Variants in PREX1 observed in about 807,000 individuals in gnomAD.
PREX1 encodes phosphatidylinositol-3,4,5-trisphosphate dependent Rac exchange factor 1, also known as phosphatidylinositol 3,4,5-trisphosphate-dependent Rac exchanger 1 protein.
PREX1 carries 41 observed loss-of-function variants against 198.3 expected under a neutral mutation model. The observed-to-expected ratio is 0.21, with a 90% CI of 0.16 to 0.27. The LOEUF (loss-of-function observed/expected upper bound fraction) is 0.27, where lower values mean the gene tolerates loss of function less well. Ranked by LOEUF, PREX1 falls within the 10% of genes least tolerant of loss-of-function variation. The probability of loss-of-function intolerance (pLI) is 1.00; values close to 1 mark genes in which losing one functional copy is unlikely to be tolerated. For missense variants in PREX1, 1,620 were observed against 2,200.7 expected (o/e 0.74, Z 5.28); for synonymous variants, 843 against 887.2 (o/e 0.95, Z 0.89).
rs547366384 is a variant in PREX1 at position 48,630,823 on chromosome 20, G to A, written c.4527-29C>T. The A allele has an allele frequency of 3.4e-5, 51 of 1,510,658 alleles. 1 individual carries two copies. The South Asian group carries it at 5.3e-4, about 16-fold the overall frequency. 93.6% of individuals were successfully genotyped at this position (1,510,658 alleles called of 1,614,324 possible). ...CGAGAGAAAGATGGGAATGAGGCGG[G>A]GGCCACCACACCCACCATCCTCCTG... On this transcript the variant is annotated intron_variant, in intron 35 of 39. Transcript: ENST00000371941.
intron 5 of PREX1, among the ~76,000 whole-genome samples, chr20:48,713,270 G>A (rs2089943471): frequency 6.6e-6 from 1 of 152,018 alleles, no homozygotes; most frequent in Non-Finnish European, 1.5e-5. Context: ...TAGCCAACAT[G>A]GCAAAACCCC....
intron 5 of PREX1, among the ~76,000 whole-genome samples, chr20:48,714,220 AAAAT>A (rs1289400821): frequency 2.0e-5 from 3 of 152,244 alleles, no homozygotes; most frequent in African/African-American, 7.2e-5. Context: ...CAACTTAAAA[AAAAT>A]AGATAACGTG....
At chr20:48,797,077 T>C (rs2090366187) in intron 1 of PREX1, among the ~76,000 whole-genome samples, 2 of 152,006 alleles carry the variant, frequency 1.3e-5, no homozygotes, top group Non-Finnish European at 2.9e-5. Context: ...ATACAAGATA[T>C]ACCTAAAATA....
rs1223019323 is a variant in PREX1 at position 48,719,329 on chromosome 20, G to T, written c.621+6961C>A. ...CCCCCCCCCCAACTCCCCAACAAGG[G>T]GTGTCCCGAGGTTAGTGCTCACCAC... On this transcript the variant is annotated intron_variant, in intron 5 of 39. Transcript: ENST00000371941. Among the ~76,000 whole-genome samples the T allele has an allele frequency of 2.0e-5, 3 of 152,328 alleles. No homozygotes were observed. In the East Asian group the frequency reaches 5.8e-4, roughly 29 times the overall value.
chr20:48,747,543 A>C (rs2073071), intron 2 of PREX1, among the ~76,000 whole-genome samples: 57,178 of 152,102 alleles, frequency 0.38, 11,247 homozygotes, highest in Admixed American at 0.43. Flanking sequence ...GGGGGTCACA[A>C]TGAGCACAGA....
At chr20:48,768,532 C>T (rs746460674) in intron 1 of PREX1, among the ~76,000 whole-genome samples, 32 of 152,114 alleles carry the variant, frequency 2.1e-4, no homozygotes, top group Non-Finnish European at 4.3e-4. Flanking sequence ...CAGTGGCTCA[C>T]GCCTGTAATA....
intron 1 of PREX1, among the ~76,000 whole-genome samples, chr20:48,764,529 T>A (rs1360743766): frequency 1.3e-5 from 2 of 152,072 alleles, no homozygotes; most frequent in East Asian, 3.8e-4. Context: ...AAGCCTATAA[T>A]CCCAGCACTT....
chr20:48,748,744 G>A (rs533526380), intron 1 of PREX1, among the ~76,000 whole-genome samples: 119 of 152,338 alleles, frequency 7.8e-4, no homozygotes, highest in African/African-American at 2.4e-3. Context: ...CAGGGGCTGC[G>A]GGAGCCGAGG....
At chr20:48,738,841 C>T (rs2090068615) in intron 3 of PREX1, among the ~76,000 whole-genome samples, 1 of 152,054 alleles carries the variant, frequency 6.6e-6, no homozygotes, top group Non-Finnish European at 1.5e-5. Flanking sequence ...CATTTCACAG[C>T]CAGCAAGACT....
At position 48,747,829 on chromosome 20, in the gene PREX1, G is replaced by A. The variant is rs1471265021; in HGVS notation, c.271C>T (p.Leu91Phe). Residue 91 changes from leucine to phenylalanine, a missense_variant, in exon 2 of 40, where the codon CTC becomes TTC. Physicochemically the swap from Leu to Phe is conservative, Grantham distance 22. This residue lies in a region of PREX1 where 488 missense variants were observed against 802.5 expected (regional missense o/e 0.61). Transcript: ENST00000371941. ...QNVADSVEKGLTEENVKVLFS... is the reference protein window; with the variant it reads ...QNVADSVEKGFTEENVKVLFS... ...CACACCTTGACATTCTCCTCCGTGA[G>A]GCCCTTCTCCACTGAGTCGGCCACG... 2.5e-6 allele frequency: 4 copies of A among 1,613,536 alleles called. No individual in the cohort carries two copies. The East Asian group carries it at 8.9e-5, about 36-fold the overall frequency.
chr20:48,820,509 C>T, intron 1 of PREX1, among the ~76,000 whole-genome samples: 1 of 152,188 alleles, frequency 6.6e-6, no homozygotes, highest in East Asian at 1.9e-4. Flanking sequence ...AAAGGGCAAA[C>T]CGTATTATGC....
chr20:48,756,813 G>A (rs1267654163), intron 1 of PREX1, among the ~76,000 whole-genome samples: 1 of 152,152 alleles, frequency 6.6e-6, no homozygotes, highest in Non-Finnish European at 1.5e-5. Flanking sequence ...CCAGAGACTG[G>A]GTAATTTATA....
At chr20:48,751,412 AC>A (rs2090133488) in intron 1 of PREX1, among the ~76,000 whole-genome samples, 1 of 152,170 alleles carries the variant, frequency 6.6e-6, no homozygotes, top group African/African-American at 2.4e-5. Flanking sequence ...GAGCTCTGCC[AC>A]CGCTATTGTG....
At chr20:48,681,463 G>A (rs2089750062) in intron 10 of PREX1, 128 bp from the exon 11 acceptor site, 2 of 859,002 alleles carry the variant, frequency 2.3e-6, no homozygotes, top group African/African-American at 1.7e-5. Context: ...GGGAAGCCGA[G>A]TGTAGTAGTC....
chr20:48,757,060 C>T (rs2090158767), intron 1 of PREX1, among the ~76,000 whole-genome samples: 1 of 152,118 alleles, frequency 6.6e-6, no homozygotes, highest in Non-Finnish European at 1.5e-5. Flanking sequence ...TCCCATGACA[C>T]ATGGGAATTA....
intron 16 of PREX1, among the ~76,000 whole-genome samples, chr20:48,658,983 C>A (rs574955698): frequency 6.6e-6 from 1 of 152,100 alleles, no homozygotes; most frequent in Admixed American, 6.5e-5. Flanking sequence ...AATCCCAGCA[C>A]TTTGGGAGGC....
chr20:48,887,165 G>A, the PREX1 span, among the ~76,000 whole-genome samples: 1 of 152,192 alleles, frequency 6.6e-6, no homozygotes, highest in Non-Finnish European at 1.5e-5. Context: ...AGCTATTACT[G>A]ATCAGCCTCA....
intron 22 of PREX1, 90 bp from the exon 23 acceptor site, chr20:48,651,145 A>G: frequency 6.8e-7 from 1 of 1,480,282 alleles, no homozygotes; most frequent in Non-Finnish European, 9.1e-7. Flanking sequence ...ACTACTCGTA[A>G]TACCCCCCGG....
chr20:48,704,476 G>A (rs2089892428), intron 6 of PREX1, among the ~76,000 whole-genome samples: 1 of 152,048 alleles, frequency 6.6e-6, no homozygotes, highest in African/African-American at 2.4e-5. Context: ...CTTAAACCAG[G>A]GCTGCCAGAG....
Sources: gnomAD v4.1 joint callset for allele counts (sites outside exome capture counted in the v4.1 genomes callset) on GRCh38, gnomAD v4.1.1 for gene constraint, gnomAD v4.1.1 regional missense constraint, MANE v1.5 for transcripts, NCBI Gene and HGNC (gene_info 2026-07-23, HGNC 2026-07-21) for gene names.